The following MMD2 variants were observed in gnomAD, a reference collection of about 807,000 sequenced individuals.
MMD2 encodes monocyte to macrophage differentiation associated 2.
A neutral mutation model predicts 33.5 loss-of-function variants in MMD2; 30 were observed. That is an observed-to-expected ratio of 0.90 (90% confidence interval 0.67 to 1.22). The LOEUF is 1.22. MMD2 is among the 50% of genes most tolerant of loss of function. The pLI is 0.00. For synonymous variants in MMD2, 129 were observed against 123.0 expected, an observed-to-expected ratio of 1.05 and a Z score of -0.32; for missense variants, 364 against 325.4, an observed-to-expected ratio of 1.12 and a Z score of -0.91.
At position 4,920,171 on chromosome 7, in the gene MMD2, C is replaced by T. The variant is rs1247164150; in HGVS notation, c.290G>A (p.Arg97Lys). The change falls in exon 3 of 7, where the codon AGG (arginine) becomes AAG (lysine). Residue 97 changes from arginine (R) to lysine (K), a missense_variant and splice_region_variant. By Grantham distance (26) the Arg-to-Lys change is conservative. Transcript: ENST00000401401. ...TGGGTCCCCTCTGGGCGGGAGGCACCTGAGGTGGCTCTTCTTCCAGGAGAT... is the reference window on the plus strand; with the variant it reads ...TGGGTCCCCTCTGGGCGGGAGGCACTTGAGGTGGCTCTTCTTCCAGGAGAT... ...HTISWKKSHL[R>K]MVEHCLHMFD... The T allele has an allele frequency of 6.4e-7, 1 of 1,558,356 alleles. No individual in the cohort carries two copies. Among genetic ancestry groups the T allele is most frequent in the Admixed American group, 1.9e-5 (1 of 51,520 alleles).
chr7:4,911,314 G>C (rs1349791849), intron 4 of MMD2, 68 bp from the exon 5 acceptor site: 3 of 1,316,122 alleles, frequency 2.3e-6, no homozygotes, highest in Non-Finnish European at 3.2e-6. Context: ...CTCGAGGACC[G>C]GCCTGTCACA....
At chr7:4,952,191 A>T (rs1048360074) in intron 1 of MMD2, among the ~76,000 whole-genome samples, 1 of 152,322 alleles carries the variant, frequency 6.6e-6, no homozygotes, top group Non-Finnish European at 1.5e-5. Context: ...AGCGGCTTGC[A>T]GTCTGGCTGG....
intron 1 of MMD2, among the ~76,000 whole-genome samples, chr7:4,931,477 G>C (rs1250664905): frequency 4.6e-5 from 7 of 151,480 alleles, no homozygotes; most frequent in African/African-American, 1.7e-4. Context: ...TTTTGAAACA[G>C]GGTCTCACTC....
At chr7:4,897,656 A>G in the MMD2 span, among the ~76,000 whole-genome samples, 5 of 152,208 alleles carry the variant, frequency 3.3e-5, no homozygotes, top group Non-Finnish European at 7.3e-5. Context: ...AGAGCCTGAA[A>G]TTTGAAAATG....
intron 4 of MMD2, among the ~76,000 whole-genome samples, chr7:4,915,145 C>A (rs1785108214): frequency 6.6e-6 from 1 of 151,854 alleles, no homozygotes; most frequent in African/African-American, 2.4e-5. Flanking sequence ...GTGGCTTGCA[C>A]CTGCAGTCCC....
Position 4,941,859 on chromosome 7 carries a change from A to G in MMD2, c.48-16327T>C, listed in dbSNP as rs182210095. On this transcript the variant is annotated intron_variant, in intron 1 of 6. Transcript: ENST00000401401. ...GGTTGCACCACAAATGTATCTTTAA[A>G]GAGTCCTTGAGGTGACAAAATAATC... 3.2e-3 allele frequency among the ~76,000 whole-genome samples: 485 copies of G among 151,612 alleles called. 3 individuals are homozygous for G. The highest frequency in any genetic ancestry group is 0.011 in the African/African-American group (452 of 41,448).
chr7:4,949,088 T>C (rs1173576675), intron 1 of MMD2, among the ~76,000 whole-genome samples: 3 of 152,044 alleles, frequency 2.0e-5, no homozygotes, highest in Admixed American at 2.0e-4. Context: ...TGCACACCTA[T>C]AACCCCAGCT....
chr7:4,956,608 G>C (rs530412076), intron 1 of MMD2, among the ~76,000 whole-genome samples: 2 of 152,172 alleles, frequency 1.3e-5, no homozygotes, highest in African/African-American at 2.4e-5. Context: ...AGACTGGCCC[G>C]TGCTCCAGCT....
the MMD2 span, among the ~76,000 whole-genome samples, chr7:4,894,818 G>T: frequency 2.6e-5 from 4 of 152,138 alleles, no homozygotes; most frequent in Admixed American, 1.3e-4. This position sits in a 1 kb window ranked among gnomAD's most constrained non-coding sequence, Gnocchi z 4.3. Context: ...CCAGGTTCTT[G>T]TTCCGTGTCC....
intron 1 of MMD2, among the ~76,000 whole-genome samples, chr7:4,954,434 T>C (rs1786331186): frequency 6.6e-6 from 1 of 152,182 alleles, no homozygotes; most frequent in Non-Finnish European, 1.5e-5. Flanking sequence ...TTTTCTTTTT[T>C]TGAGACGGGG....
chr7:4,948,707 C>G (rs1360710832), intron 1 of MMD2, among the ~76,000 whole-genome samples: 6 of 152,186 alleles, frequency 3.9e-5, no homozygotes, highest in African/African-American at 1.4e-4. Flanking sequence ...AGTCTGCCAT[C>G]TACCACCTGG....
chr7:4,956,507 C>T (rs1188532919), intron 1 of MMD2, among the ~76,000 whole-genome samples: 4 of 152,104 alleles, frequency 2.6e-5, no homozygotes, highest in East Asian at 1.9e-4. Context: ...GACTGCACAA[C>T]GAGGAAGGGA....
Position 4,940,292 on chromosome 7 carries a change from C to T in MMD2, c.48-14760G>A, listed in dbSNP as rs1052220516. Among the ~76,000 whole-genome samples the T allele has an allele frequency of 3.9e-5, 6 of 151,916 alleles. No individual in the cohort carries two copies. The highest frequency in any genetic ancestry group is 1.4e-4 in the African/African-American group (6 of 41,424). On this transcript the variant is annotated intron_variant, in intron 1 of 6. Coordinates refer to ENST00000401401, the MANE Select transcript of MMD2 (RefSeq NM_198403.4). The surrounding 1 kb of genome is among the most constrained non-coding windows in gnomAD (Gnocchi z 5.0). ...AGAGCTCAGCTTCTGCAATTCCTCC[C>T]TCTCTCTCTCTGGCCTGACCCAGCT... is the stretch of plus-strand genomic sequence containing the variant.
chr7:4,951,008 C>A (rs1195996171), intron 1 of MMD2, among the ~76,000 whole-genome samples: 1 of 152,014 alleles, frequency 6.6e-6, no homozygotes, highest in African/African-American at 2.4e-5. Context: ...CCACAGCGCC[C>A]GGCCTAAATT....
chr7:4,925,346 G>T (rs574971981), intron 2 of MMD2, 105 bp downstream of exon 2: 2 of 890,698 alleles, frequency 2.2e-6, no homozygotes, highest in African/African-American at 3.4e-5. Context: ...CAGAAGACCC[G>T]AGGAACAGGC....
chr7:4,934,476 G>A (rs1026561608), intron 1 of MMD2, among the ~76,000 whole-genome samples: 2 of 152,214 alleles, frequency 1.3e-5, no homozygotes, highest in African/African-American at 4.8e-5. Context: ...CAGTCAGAGA[G>A]GCAGCCTCGA....
Position 4,906,654 on chromosome 7 carries a change from A to C in MMD2, c.*742T>G. 1 of 398,018 alleles carries C rather than the reference A, an allele frequency of 2.5e-6. No homozygotes were observed. The highest frequency in any genetic ancestry group is 4.4e-6 in the Non-Finnish European group (1 of 225,846). 24.7% of individuals were successfully genotyped at this position (398,018 alleles called of 1,614,324 possible). A position where few individuals can be genotyped will look rare whatever the true frequency, so the allele number is the denominator to read the frequency against. ...TGGGTGTGCGCCTCAGTTTCCCTCT[A>C]CCGCCCCCAAACTGCCTACTCCAGG... On this transcript the variant is annotated 3_prime_UTR_variant, in exon 7 of 7. Coordinates refer to ENST00000401401, the MANE Select transcript of MMD2 (RefSeq NM_198403.4).
At chr7:4,923,385 T>C (rs750302386) in intron 2 of MMD2, among the ~76,000 whole-genome samples, 75 of 152,152 alleles carry the variant, frequency 4.9e-4, no homozygotes, top group Non-Finnish European at 7.8e-4. Flanking sequence ...ATTACAGGTG[T>C]GAGCCACTGC....
the MMD2 span, among the ~76,000 whole-genome samples, chr7:4,892,683 A>G: frequency 6.6e-6 from 1 of 151,942 alleles, no homozygotes; most frequent in Non-Finnish European, 1.5e-5. Flanking sequence ...AAGAGTGTTG[A>G]TTTCTAGGTG....
Sources: gnomAD v4.1 joint callset for allele counts (sites outside exome capture counted in the v4.1 genomes callset) on GRCh38, gnomAD v4.1.1 for gene constraint, Gnocchi (gnomAD v3.1) non-coding constraint, MANE v1.5 for transcripts, NCBI Gene and HGNC (gene_info 2026-07-23, HGNC 2026-07-21) for gene names.